The following ITIH1 variants were observed in gnomAD, a reference collection of about 807,000 sequenced individuals.
ITIH1 encodes inter-alpha-trypsin inhibitor heavy chain 1.
In ITIH1, 94 loss-of-function variants were observed where a neutral mutation model predicts 104.6. The ratio of observed to expected loss-of-function variants is 0.90; its 90% CI spans 0.76 to 1.07. The LOEUF (loss-of-function observed/expected upper bound fraction) is 1.07. Ranked by LOEUF, ITIH1 falls within the 50% of genes least tolerant of loss-of-function variation. The pLI is 0.00. For synonymous variants in ITIH1, 455 were observed against 464.4 expected (o/e 0.98, Z 0.26); for missense variants, 1,193 against 1,181.4 (o/e 1.01, Z -0.14).
intron 8 of ITIH1, 60 bp from the exon 9 acceptor site, chr3:52,782,897 G>T: frequency 5.9e-6 from 9 of 1,525,618 alleles, no homozygotes; most frequent in Non-Finnish European, 8.1e-6. Flanking sequence ...GGAGTTGGAA[G>T]GTGCTGTCCT....
rs778122019 is a variant in ITIH1 at position 52,786,991 on chromosome 3, C to A, written c.1780C>A (p.Leu594Met). The A allele has an allele frequency of 6.2e-7, 1 of 1,614,162 alleles. No homozygotes were observed. Among genetic ancestry groups the A allele is most frequent in the South Asian group, 1.1e-5 (1 of 91,084 alleles). Residue 594 changes from leucine (L) to methionine (M), a missense_variant, in exon 14 of 22, where the codon CTG becomes ATG. Leu to Met is a conservative substitution (Grantham distance 15). Coordinates refer to ENST00000273283, the MANE Select transcript of ITIH1 (RefSeq NM_002215.4). Reference sequence around the variant, plus strand: ...GAGGGCCAACCTGTCATCCCAGGCCCTGCAGATGTCGCTGGACTATGGGTT... The same window carrying A: ...GAGGGCCAACCTGTCATCCCAGGCCATGCAGATGTCGCTGGACTATGGGTT... The part of the protein sequence containing the change: ...EERANLSSQA[L>M]QMSLDYGFVT...
In ITIH1 at chr3:52,790,907, C is replaced by G; in HGVS notation, c.2480C>G (p.Thr827Arg). 1 of 1,603,026 alleles carries G rather than the reference C, an allele frequency of 6.2e-7. No homozygotes were observed. Among genetic ancestry groups the G allele is most frequent in the Non-Finnish European group, 8.5e-7 (1 of 1,176,044 alleles). The change falls in exon 20 of 22, where the codon ACG becomes AGG. Residue 827 changes from threonine to arginine, a missense_variant. Thr to Arg is a moderately conservative substitution (Grantham distance 71). Transcript: ENST00000273283. ...GACAGTCATCGGATGTCAGCCCGGA[C>G]GCACGGGCTGCTGGGTACGGCTGGC... is the stretch of plus-strand genomic sequence containing the variant. The part of the protein sequence containing the change: ...VLDSHRMSAR[T>R]HGLLGQFFHP...
At chr3:52,787,667 C>G (rs975643912) in intron 16 of ITIH1, 55 bp downstream of exon 16, 45 of 1,588,360 alleles carry the variant, frequency 2.8e-5, no homozygotes, top group Non-Finnish European at 3.5e-5. Flanking sequence ...GATGATCACC[C>G]CGTTGGCTTT....
At chr3:52,780,802 A>G (rs1578729888) in intron 6 of ITIH1, among the ~76,000 whole-genome samples, 1 of 152,198 alleles carries the variant, frequency 6.6e-6, no homozygotes, top group South Asian at 2.1e-4. Context: ...GTTTGGAAAG[A>G]CCTTTGGCCT....
At chr3:52,786,478 G>T in intron 13 of ITIH1, 44 bp downstream of exon 13, 1 of 1,544,074 alleles carries the variant, frequency 6.5e-7, no homozygotes, top group Non-Finnish European at 8.8e-7. Flanking sequence ...GCCCACCCCA[G>T]AGTCCCCCCA....
chr3:52,791,627 A>G lies in ITIH1; in HGVS notation c.2605A>G (p.Arg869Gly), dbSNP rs1043009772. The G allele has an allele frequency of 1.9e-6, 3 of 1,613,672 alleles. No homozygotes were observed. The highest frequency in any genetic ancestry group is 2.7e-5 in the African/African-American group (2 of 74,938). ...GAGGAACCGCCGGCTCACGGTCACC[A>G]GGTGGGTGGGCTGCTTGCCCAGCAC... Reference protein sequence around the residue: ...VVRNRRLTVTRGLQKDYSKDP... With the variant: ...VVRNRRLTVTGGLQKDYSKDP... The change falls in exon 21 of 22, where the codon AGG becomes GGG. Residue 869 changes from arginine (R) to glycine (G), a missense_variant and splice_region_variant. Coordinates refer to ENST00000273283, the MANE Select transcript of ITIH1 (RefSeq NM_002215.4).
chr3:52,780,794 T>C (rs1327420348), intron 6 of ITIH1, among the ~76,000 whole-genome samples: 1 of 152,200 alleles, frequency 6.6e-6, no homozygotes, highest in Admixed American at 6.5e-5. Flanking sequence ...AAACATAAGT[T>C]TGGAAAGACC....
chr3:52,786,331 G>A lies in ITIH1; in HGVS notation c.1630G>A (p.Glu544Lys). ...ATTCAGTATAACCTGCCTAGTGGAT[G>A]AGGAGGAGATGAAGAAACTGCTCCG... Reference protein sequence around the residue: ...QEFSITCLVDEEEMKKLLRER... With the variant: ...QEFSITCLVDKEEMKKLLRER... Residue 544 changes from glutamate (E) to lysine (K), a missense_variant, in exon 13 of 22, where the codon GAG (glutamate) becomes AAG (lysine). Transcript: ENST00000273283. The A allele has an allele frequency of 1.3e-6, 2 of 1,573,514 alleles. No individual in the cohort carries two copies. The highest frequency in any genetic ancestry group is 8.6e-7 in the Non-Finnish European group (1 of 1,158,372).
chr3:52,778,871 G>A lies in ITIH1; in HGVS notation c.306-71G>A, dbSNP rs1698970356. The A allele has an allele frequency of 1.1e-5, 13 of 1,208,404 alleles. No homozygotes were observed. The South Asian group carries it at 1.6e-4, about 15-fold the overall frequency. The allele number at this position is 1,208,404 out of a possible 1,614,324, so 74.9% of individuals were successfully genotyped here. On this transcript the variant is annotated intron_variant, in intron 3 of 21. Coordinates refer to ENST00000273283, the MANE Select transcript of ITIH1 (RefSeq NM_002215.4). ...GACGTCCTTATCCAAGGGCTCACAT[G>A]GACAGGCCCTCTCAGGACCTGTGTG...
chr3:52,778,365 G>A lies in ITIH1; in HGVS notation c.164G>A (p.Ser55Asn). 6.2e-7 allele frequency: 1 copy of A among 1,614,230 alleles called. No individual in the cohort carries two copies. Among genetic ancestry groups the A allele is most frequent in the Non-Finnish European group, 8.5e-7 (1 of 1,180,044 alleles). The change falls in exon 3 of 22, where the codon AGT becomes AAT. Residue 55 changes from serine (S) to asparagine (N), a missense_variant. Ser to Asn is a conservative substitution (Grantham distance 46). Transcript: ENST00000273283. ...GCTGTCGATGGCGTGTTCATCCGGA[G>A]TTTGAAAGTCAACTGCAAAGTCACC... ...DTAVDGVFIR[S>N]LKVNCKVTSR...
intron 11 of ITIH1, among the ~76,000 whole-genome samples, 179 bp downstream of exon 11, chr3:52,784,656 G>A (rs901872325): frequency 6.6e-6 from 1 of 152,164 alleles, no homozygotes; most frequent in Non-Finnish European, 1.5e-5. Context: ...AGGCCAAGGT[G>A]GGTGGATCGG....
chr3:52,788,472 C>T (rs1215639189), intron 18 of ITIH1, 127 bp downstream of exon 18: 6 of 675,586 alleles, frequency 8.9e-6, no homozygotes, highest in South Asian at 1.8e-5. Flanking sequence ...CCTGGCTGGG[C>T]TCTGCCCGCT....
chr3:52,783,039 A>C lies in ITIH1; in HGVS notation c.1013A>C (p.Gln338Pro), dbSNP rs767746340. The C allele has an allele frequency of 4.3e-6, 7 of 1,613,878 alleles. No individual in the cohort carries two copies. Among genetic ancestry groups the C allele is most frequent in the Non-Finnish European group, 5.9e-6 (7 of 1,179,998 alleles). The change falls in exon 9 of 22, where the codon CAA becomes CCA. Residue 338 changes from glutamine (Q) to proline (P), a missense_variant. Transcript: ENST00000273283. ...CTGGTTCTTTTTGGGACTCGAGTAC[A>C]ATCGTGGAAGGGCTCGCTGGTGCAA... ...FDLVLFGTRVQSWKGSLVQAS... is the reference protein window; with the variant it reads ...FDLVLFGTRVPSWKGSLVQAS...
chr3:52,789,884 G>C (rs1340948149), intron 19 of ITIH1, 30 bp downstream of exon 19: 1 of 1,609,028 alleles, frequency 6.2e-7, no homozygotes, highest in Non-Finnish European at 8.5e-7. Flanking sequence ...GCAAGATGCA[G>C]GGGGAGGTGT....
intron 15 of ITIH1, 107 bp downstream of exon 15, chr3:52,787,309 T>C: frequency 6.9e-7 from 1 of 1,452,052 alleles, no homozygotes; most frequent in South Asian, 1.1e-5. Flanking sequence ...CTTCCCTGAC[T>C]CCACTCCTTC....
At chr3:52,781,327 T>TCTG in intron 6 of ITIH1, among the ~76,000 whole-genome samples, 1 of 150,030 alleles carries the variant, frequency 6.7e-6, no homozygotes, top group South Asian at 2.1e-4. Context: ...TTCTCCTTCT[T>TCTG]CTTCTTCTAT....
At position 52,777,743 on chromosome 3, in the gene ITIH1, A is replaced by T. The variant is rs1266173743; in HGVS notation, c.117+11A>T. The T allele has an allele frequency of 1.3e-6, 2 of 1,567,848 alleles. No homozygotes were observed. Among genetic ancestry groups the T allele is most frequent in the Non-Finnish European group, 1.7e-6 (2 of 1,155,814 alleles). On this transcript the variant is annotated intron_variant, in intron 1 of 21. Coordinates refer to ENST00000273283, the MANE Select transcript of ITIH1 (RefSeq NM_002215.4). ...TCCAAGAGCAGCGAGGTATATGGCT[A>T]AGCCCACAGGGCAGAAATAGGCAGC...
intron 8 of ITIH1, 45 bp downstream of exon 8, chr3:52,782,312 GC>G (rs1233853990): frequency 4.9e-6 from 7 of 1,441,768 alleles, no homozygotes; most frequent in Middle Eastern, 3.5e-4. Context: ...AGCTTCCACA[GC>G]CCCATCACTC....
At chr3:52,777,876 A>T in intron 1 of ITIH1, 121 bp from the exon 2 acceptor site, 1 of 1,413,012 alleles carries the variant, frequency 7.1e-7, no homozygotes, top group Non-Finnish European at 1.0e-6. Flanking sequence ...TCCCAGCACC[A>T]CCAAGGAGGT....
Sources: gnomAD v4.1 joint callset for allele counts (sites outside exome capture counted in the v4.1 genomes callset) on GRCh38, gnomAD v4.1.1 for gene constraint, MANE v1.5 for transcripts, NCBI Gene and HGNC (gene_info 2026-07-23, HGNC 2026-07-21) for gene names.